The following DNASE1 variants were observed in gnomAD, a reference collection of about 807,000 sequenced individuals.
DNASE1 encodes the protein deoxyribonuclease 1.
Under a neutral mutation model 33.9 loss-of-function variants are expected in DNASE1, and 40 were observed. The observed-to-expected ratio is 1.18, with a 90% CI of 0.92 to 1.54. DNASE1 has a LOEUF of 1.54. Among genes scored for constraint, DNASE1 ranks in the 40% most tolerant of loss-of-function variants. The pLI, the probability that DNASE1 is intolerant of heterozygous loss-of-function variation, is 0.00. For synonymous variants in DNASE1, 216 were observed against 160.0 expected, an observed-to-expected ratio of 1.35 and a Z score of -2.64; for missense variants, 518 against 372.6, an observed-to-expected ratio of 1.39 and a Z score of -3.21.
intron 1 of DNASE1, among the ~76,000 whole-genome samples, chr16:3,618,702 C>A (rs973827686): frequency 1.2e-4 from 18 of 152,176 alleles, no homozygotes; most frequent in Non-Finnish European, 1.9e-4. Flanking sequence ...GCACTCCAGC[C>A]TGGGCAACAA....
intron 1 of DNASE1, among the ~76,000 whole-genome samples, chr16:3,635,977 A>G (rs190273418): frequency 6.4e-4 from 97 of 152,280 alleles, no homozygotes; most frequent in Non-Finnish European, 9.0e-4. Flanking sequence ...GGCATCTGTC[A>G]TCAGTTTTGG....
chr16:3,630,335 C>T (rs1332244248), intron 1 of DNASE1, among the ~76,000 whole-genome samples: 1 of 152,122 alleles, frequency 6.6e-6, no homozygotes, highest in Admixed American at 6.6e-5. Flanking sequence ...GCACACGCCA[C>T]CACACCTGGC....
At chr16:3,653,826 A>AAAAACAAAAAAAAAAAAAC (rs2042427728), upstream of DNASE1, 1 of 144,908 alleles carries the variant, frequency 6.9e-6, no homozygotes, top group African/African-American at 2.6e-5. Flanking sequence ...AAAAAAAAAA[A>AAAAACAAAAAAAAAAAAAC]AAAAAAAAAA....
At chr16:3,639,173 T>C (rs2041960631), upstream of DNASE1, among the ~76,000 whole-genome samples, 1 of 152,222 alleles carries the variant, frequency 6.6e-6, no homozygotes, top group Admixed American at 6.5e-5. Flanking sequence ...CCACCCTTCA[T>C]TGCCACTTGT....
chr16:3,654,240 C>A (rs2042453981), upstream of DNASE1: 1 of 397,708 alleles, frequency 2.5e-6, no homozygotes, highest in Non-Finnish European at 4.4e-6. Flanking sequence ...AGCCTATTGT[C>A]TACCTCAAGA....
intron 1 of DNASE1, among the ~76,000 whole-genome samples, chr16:3,619,416 C>A (rs778673164): frequency 6.6e-6 from 1 of 151,556 alleles, no homozygotes; most frequent in Non-Finnish European, 1.5e-5. Context: ...GGCCGAAGTG[C>A]AGTGGTGTGA....
intron 1 of DNASE1, among the ~76,000 whole-genome samples, chr16:3,618,265 A>T (rs2041180475): frequency 6.6e-6 from 1 of 151,960 alleles, no homozygotes; most frequent in Non-Finnish European, 1.5e-5. Context: ...AAAAAAAAAA[A>T]AAAGTATTGG....
exon 10 of DNASE1, chr16:3,665,439 C>G (rs1398971963): frequency 6.5e-6 from 1 of 154,282 alleles, no homozygotes; most frequent in African/African-American, 2.4e-5. Flanking sequence ...TAAGTTGTAT[C>G]TCAATAAAAA....
chr16:3,659,087 A>G (rs2042910747), downstream of DNASE1: 2 of 533,884 alleles, frequency 3.7e-6, no homozygotes, highest in Non-Finnish European at 3.3e-6. Context: ...AAGGTAGCCA[A>G]ACTCCAAGAT....
At chr16:3,632,671 C>T (rs747409977) in intron 1 of DNASE1, among the ~76,000 whole-genome samples, 33 of 151,896 alleles carry the variant, frequency 2.2e-4, no homozygotes, top group Admixed American at 5.9e-4. Flanking sequence ...CTGCAACCTC[C>T]AACTCCTGGG....
At position 3,655,414 on chromosome 16, in the gene DNASE1, C is replaced by T. The variant is rs148015097; in HGVS notation, c.41C>T (p.Ala14Val). 3.2e-5 allele frequency: 51 copies of T among 1,613,974 alleles called. No homozygotes were observed. The highest frequency in any genetic ancestry group is 2.0e-4 in the African/African-American group (15 of 74,944). The change falls in exon 2 of 9, where the codon GCG (alanine) becomes GTG (valine). Residue 14 changes from alanine (A) to valine (V), a missense_variant. Ala to Val is a moderately conservative substitution (Grantham distance 64). Transcript: ENST00000246949. ...MKLLGALLAL[A>V]ALLQGAVSLK... ...CTGCTGGGGGCGCTGCTGGCACTGG[C>T]GGCCCTACTGCAGGGGGCCGTGTCC...
downstream of DNASE1, chr16:3,661,890 G>T: frequency 1.4e-6 from 2 of 1,425,706 alleles, no homozygotes; most frequent in Non-Finnish European, 1.9e-6. Flanking sequence ...CAGGCCTCAC[G>T]CACTTTTCTT....
intron 1 of DNASE1, among the ~76,000 whole-genome samples, chr16:3,635,457 C>CA (rs753495578): frequency 0.023 from 1,332 of 58,500 alleles, 28 homozygotes; most frequent in African/African-American, 0.062. Flanking sequence ...GACTCTGTCT[C>CA]AAAAAAAAAA....
intron 1 of DNASE1, among the ~76,000 whole-genome samples, chr16:3,627,038 A>ATTT (rs1567190230): frequency 6.6e-6 from 1 of 150,726 alleles, no homozygotes. Context: ...TGCTTATTTA[A>ATTT]ATTTTTTTTT....
upstream of DNASE1, chr16:3,651,563 C>G (rs1294893171): frequency 6.6e-6 from 1 of 152,354 alleles, no homozygotes; most frequent in African/African-American, 2.4e-5. Flanking sequence ...CTTGGACCTA[C>G]AGCTCGACAG....
At chr16:3,624,912 C>G (rs1448388793) in intron 1 of DNASE1, among the ~76,000 whole-genome samples, 2 of 152,148 alleles carry the variant, frequency 1.3e-5, no homozygotes, top group Non-Finnish European at 2.9e-5. Context: ...GTTGCCCAGG[C>G]TCGTCTCGAA....
At chr16:3,643,779 T>A (rs1166074312) in intron 1 of DNASE1, among the ~76,000 whole-genome samples, 1 of 152,186 alleles carries the variant, frequency 6.6e-6, no homozygotes, top group Non-Finnish European at 1.5e-5. Context: ...TTATTTATTT[T>A]GAGATGGAGT....
At chr16:3,618,218 A>AC (rs1430438026) in intron 1 of DNASE1, among the ~76,000 whole-genome samples, 1 of 151,712 alleles carries the variant, frequency 6.6e-6, no homozygotes, top group Non-Finnish European at 1.5e-5. Flanking sequence ...GCAGTGAGAT[A>AC]CCACTTCATG....
At chr16:3,655,654 C>G in intron 2 of DNASE1, 134 bp downstream of exon 2, 8 of 1,474,338 alleles carry the variant, frequency 5.4e-6, no homozygotes, top group Non-Finnish European at 7.4e-6. Flanking sequence ...CACGGTGGAA[C>G]AGGCTCTTGG....
Sources: allele counts gnomAD v4.1 joint callset (sites outside exome capture counted in the v4.1 genomes callset), GRCh38; gene constraint gnomAD v4.1.1; transcripts MANE v1.5; gene names NCBI Gene and HGNC (gene_info 2026-07-23, HGNC 2026-07-21).